The following WDPCP variants were observed in gnomAD, a reference collection of about 807,000 sequenced individuals.
The protein encoded by WDPCP is WD repeat-containing and planar cell polarity effector protein fritz homolog.
WDPCP carries 71 observed loss-of-function variants against 93.1 expected under a neutral mutation model. The ratio of observed to expected loss-of-function variants is 0.76; its 90% CI spans 0.63 to 0.93. The LOEUF (loss-of-function observed/expected upper bound fraction) is 0.93. Ranked by LOEUF, WDPCP falls within the 40% of genes least tolerant of loss-of-function variation. WDPCP has a pLI of 0.00. For missense variants in WDPCP, 844 were observed against 887.4 expected (o/e 0.95, Z 0.62); for synonymous variants, 315 against 315.0 (o/e 1.00, Z 0.00).
intron 2 of WDPCP, among the ~76,000 whole-genome samples, chr2:63,657,839 C>T (rs1710186370): frequency 6.6e-6 from 1 of 152,156 alleles, no homozygotes; most frequent in African/African-American, 2.4e-5. Context: ...CAGTCTGGTT[C>T]CCTGTCCAGC....
At chr2:63,310,396 G>C (rs1175049199) in intron 13 of WDPCP, among the ~76,000 whole-genome samples, 1 of 152,060 alleles carries the variant, frequency 6.6e-6, no homozygotes, top group Non-Finnish European at 1.5e-5. Context: ...CTTGTACCTA[G>C]GAGCCTTGTC....
At chr2:63,387,720 G>A (rs954407133) in intron 10 of WDPCP, among the ~76,000 whole-genome samples, 3 of 107,482 alleles carry the variant, frequency 2.8e-5, no homozygotes, top group African/African-American at 6.7e-5. Flanking sequence ...TTCTATACCT[G>A]GAAACCCAAT....
At chr2:63,751,169 C>A (rs1433132020) in intron 2 of WDPCP, among the ~76,000 whole-genome samples, 1 of 152,002 alleles carries the variant, frequency 6.6e-6, no homozygotes, top group Non-Finnish European at 1.5e-5. Context: ...TTTTGTTTAA[C>A]CTGTATTGAC....
chr2:63,155,129 A>G (rs573171031), intron 15 of WDPCP, among the ~76,000 whole-genome samples: 2 of 152,208 alleles, frequency 1.3e-5, no homozygotes, highest in Non-Finnish European at 2.9e-5. Flanking sequence ...TTGAGGAACA[A>G]CAGTTGATGA....
In WDPCP at chr2:63,597,627, T is replaced by C. The variant is rs12104443; in HGVS notation, n.488+53032A>G. Reference sequence around the variant, plus strand: ...TTTCATTATTAGCATTTGAAACTTATGCTTTTAGCATTTAAGCAAAACCAA... The same window carrying C: ...TTTCATTATTAGCATTTGAAACTTACGCTTTTAGCATTTAAGCAAAACCAA... On this transcript the variant is annotated intron_variant and non_coding_transcript_variant, in intron 3 of 4. Transcript: ENST00000467687. The C allele has an allele frequency of 1.4e-3, 1,808 of 1,328,888 alleles. 21 individuals are homozygous for C. The African/African-American group carries it at 0.025, about 18-fold the overall frequency. The allele number at this position is 1,328,888 out of a possible 1,614,324, so 82.3% of individuals were successfully genotyped here.
chr2:63,646,036 T>C (rs1236753843), intron 3 of WDPCP, among the ~76,000 whole-genome samples: 1 of 152,154 alleles, frequency 6.6e-6, no homozygotes, highest in African/African-American at 2.4e-5. Flanking sequence ...TCCTACCATT[T>C]TGTTATTTGT....
At chr2:63,194,718 T>A (rs1406311447) in intron 14 of WDPCP, among the ~76,000 whole-genome samples, 2 of 152,194 alleles carry the variant, frequency 1.3e-5, no homozygotes, top group Non-Finnish European at 2.9e-5. Context: ...ATCATTACTA[T>A]GTATTGATTG....
At chr2:63,464,371 A>T (rs538664778) in intron 6 of WDPCP, among the ~76,000 whole-genome samples, 1 of 152,252 alleles carries the variant, frequency 6.6e-6, no homozygotes, top group African/African-American at 2.4e-5. Context: ...AACAACAACA[A>T]ATCAGAAAAG....
chr2:63,147,662 C>A (rs1671607753), intron 17 of WDPCP, among the ~76,000 whole-genome samples: 1 of 152,102 alleles, frequency 6.6e-6, no homozygotes, highest in Non-Finnish European at 1.5e-5. Flanking sequence ...ACAGATACTG[C>A]CTTTTAGAAA....
chr2:63,794,586 C>G (rs1160021525), intron 2 of WDPCP, among the ~76,000 whole-genome samples: 1 of 152,188 alleles, frequency 6.6e-6, no homozygotes, highest in Non-Finnish European at 1.5e-5. Flanking sequence ...AGGAAACCAC[C>G]TTAGGATAAG....
At chr2:63,492,445 A>C (rs1274284869) in intron 2 of WDPCP, among the ~76,000 whole-genome samples, 1 of 151,900 alleles carries the variant, frequency 6.6e-6, no homozygotes, top group African/African-American at 2.4e-5. Context: ...CTTATTATGA[A>C]GAATCCCAGA....
At chr2:63,649,026 T>C (rs895375169) in intron 3 of WDPCP, among the ~76,000 whole-genome samples, 2 of 152,220 alleles carry the variant, frequency 1.3e-5, no homozygotes, top group Non-Finnish European at 1.5e-5. Flanking sequence ...TGATAGCATT[T>C]AAAAATTGAG....
chr2:63,433,072 C>A (rs559914463), intron 9 of WDPCP, among the ~76,000 whole-genome samples: 1 of 151,976 alleles, frequency 6.6e-6, no homozygotes, highest in African/African-American at 2.4e-5. Flanking sequence ...AATTCTGTAA[C>A]CAAAGTACTA....
At chr2:63,608,001 G>GA (rs1467873379) in intron 3 of WDPCP, among the ~76,000 whole-genome samples, 1 of 152,042 alleles carries the variant, frequency 6.6e-6, no homozygotes, top group Non-Finnish European at 1.5e-5. Context: ...TTGTGATAAT[G>GA]AATCAGTCTA....
At chr2:63,586,938 A>C (rs1209915560) in intron 1 of WDPCP, among the ~76,000 whole-genome samples, 1 of 152,260 alleles carries the variant, frequency 6.6e-6, no homozygotes, top group Non-Finnish European at 1.5e-5. Flanking sequence ...AGTTTGTTAC[A>C]TATGTACGTA....
intron 17 of WDPCP, among the ~76,000 whole-genome samples, chr2:63,135,779 T>C (rs140347685): frequency 6.6e-6 from 1 of 152,302 alleles, no homozygotes; most frequent in Non-Finnish European, 1.5e-5. Context: ...TCATCCAGGC[T>C]GGAGTGCAGA....
At chr2:63,688,218 A>G (rs1411130136) in intron 2 of WDPCP, among the ~76,000 whole-genome samples, 1 of 152,128 alleles carries the variant, frequency 6.6e-6, no homozygotes, top group Non-Finnish European at 1.5e-5. Flanking sequence ...CGAGGTCAGG[A>G]GATCGAGACC....
intron 2 of WDPCP, among the ~76,000 whole-genome samples, chr2:63,799,020 C>G (rs891750126): frequency 6.6e-6 from 1 of 152,152 alleles, no homozygotes; most frequent in African/African-American, 2.4e-5. Flanking sequence ...TATTCATGAT[C>G]TGAAATACTT....
chr2:63,201,853 T>G (rs1367601210), intron 14 of WDPCP, among the ~76,000 whole-genome samples: 1 of 152,160 alleles, frequency 6.6e-6, no homozygotes, highest in Non-Finnish European at 1.5e-5. Flanking sequence ...TTCTGTTTGG[T>G]AATTATTCAT....
Sources: gnomAD v4.1 joint callset for allele counts (sites outside exome capture counted in the v4.1 genomes callset) on GRCh38, gnomAD v4.1.1 for gene constraint, MANE v1.5 for transcripts, NCBI Gene and HGNC (gene_info 2026-07-23, HGNC 2026-07-21) for gene names.